PCDHA1: variants seen among roughly 807,000 people sequenced by gnomAD.
The protein encoded by PCDHA1 is protocadherin alpha-1.
In PCDHA1, 42 loss-of-function variants were observed where a neutral mutation model predicts 61.3. The ratio of observed to expected loss-of-function variants is 0.69; its 90% CI spans 0.54 to 0.89. PCDHA1 has a LOEUF of 0.89. Ranked by LOEUF, PCDHA1 falls within the 40% of genes least tolerant of loss-of-function variation. The probability of loss-of-function intolerance (pLI) is 0.00; values close to 1 mark genes in which losing one functional copy is unlikely to be tolerated. For synonymous variants in PCDHA1, 610 were observed against 553.8 expected, an observed-to-expected ratio of 1.10 and a Z score of -1.43; for missense variants, 1,256 against 1,235.3, an observed-to-expected ratio of 1.02 and a Z score of -0.25.
At chr5:140,829,868 A>C in intron 1 of PCDHA1, 1 of 1,613,886 alleles carries the variant, frequency 6.2e-7, no homozygotes, top group Non-Finnish European at 8.5e-7. Flanking sequence ...AGTGGTGGCG[A>C]AGGTGCGCGC....
chr5:140,807,232 G>GCTCTTAC, intron 1 of PCDHA1: 2 of 1,614,220 alleles, frequency 1.2e-6, no homozygotes, highest in Non-Finnish European at 8.5e-7. Context: ...GGCGTCTGCT[G>GCTCTTAC]CTCTTACTTC....
At chr5:140,808,437 G>C in intron 1 of PCDHA1, 1 of 1,614,178 alleles carries the variant, frequency 6.2e-7, no homozygotes, top group Non-Finnish European at 8.5e-7. Context: ...GACCGCGAGA[G>C]CGTGTCAGCC....
intron 1 of PCDHA1, chr5:140,823,691 C>T (rs2150128189): frequency 1.9e-6 from 3 of 1,613,862 alleles, no homozygotes; most frequent in Non-Finnish European, 2.5e-6. Flanking sequence ...CTGGATGAGA[C>T]CGAAGCACCG....
chr5:140,928,587 C>T, intron 1 of PCDHA1: 1 of 1,614,228 alleles, frequency 6.2e-7, no homozygotes. Flanking sequence ...ATGGTTCTGT[C>T]CCAGTGGAAA....
intron 1 of PCDHA1, among the ~76,000 whole-genome samples, chr5:140,918,920 G>A (rs1470075085): frequency 6.6e-6 from 1 of 152,204 alleles, no homozygotes; most frequent in Non-Finnish European, 1.5e-5. Context: ...TAACTACACA[G>A]CATATGGCAT....
intron 1 of PCDHA1, chr5:140,867,389 A>T (rs906088628): frequency 6.6e-5 from 10 of 152,166 alleles, no homozygotes; most frequent in Non-Finnish European, 1.2e-4. Context: ...TAACGGTTAT[A>T]AAAGTTGATA....
chr5:140,927,967 AT>A, intron 1 of PCDHA1: 1 of 1,614,172 alleles, frequency 6.2e-7, no homozygotes, highest in Non-Finnish European at 8.5e-7. Context: ...TGGCACAGTG[AT>A]TGCTCTCTTT....
At chr5:140,975,491 C>T (rs2153807371) in intron 1 of PCDHA1, among the ~76,000 whole-genome samples, 1 of 152,274 alleles carries the variant, frequency 6.6e-6, no homozygotes, top group Middle Eastern at 3.4e-3. Flanking sequence ...TATCAATGTT[C>T]ATAAAATAGC....
intron 1 of PCDHA1, chr5:140,853,156 G>A (rs2150528996): frequency 1.1e-6 from 1 of 904,258 alleles, no homozygotes; most frequent in South Asian, 5.0e-5. Context: ...TGGGATTACA[G>A]GCGTGAGCCA....
intron 1 of PCDHA1, chr5:140,967,797 C>T: frequency 6.2e-7 from 1 of 1,614,184 alleles, no homozygotes; most frequent in East Asian, 2.2e-5. Flanking sequence ...GGTCCAGTGC[C>T]CATGGCAGGT....
intron 1 of PCDHA1, among the ~76,000 whole-genome samples, chr5:140,891,754 T>C (rs1221942340): frequency 6.6e-6 from 1 of 152,174 alleles, no homozygotes; most frequent in Non-Finnish European, 1.5e-5. Flanking sequence ...ACAACAGTGT[T>C]GGGAGGTGGG....
intron 1 of PCDHA1, among the ~76,000 whole-genome samples, chr5:140,924,769 C>T (rs988519447): frequency 1.3e-5 from 2 of 151,766 alleles, no homozygotes; most frequent in Admixed American, 6.6e-5. Flanking sequence ...GTGGTGCGCG[C>T]TTGTAGTCCT....
chr5:140,836,679 A>G (rs2150267656), intron 1 of PCDHA1: 3 of 1,613,334 alleles, frequency 1.9e-6, no homozygotes, highest in East Asian at 4.5e-5. Context: ...GGGCCCACCC[A>G]AGACAGACCT....
In PCDHA1 at chr5:140,921,062, C is replaced by T. The variant is rs377176575; in HGVS notation, c.2395-57887C>T. 1.3e-4 allele frequency among the ~76,000 whole-genome samples: 20 copies of T among 151,872 alleles called. No homozygotes were observed. The South Asian group carries it at 4.2e-3, about 32-fold the overall frequency. The stretch of plus-strand genomic sequence containing the variant: ...TGGGGCAATCATAGCTCACTCTAAC[C>T]TTGAACTCTTGGGCTCAAGAGAATC... On this transcript the variant is annotated intron_variant, in intron 1 of 3. Coordinates refer to ENST00000504120, the MANE Select transcript of PCDHA1 (RefSeq NM_018900.4).
intron 3 of PCDHA1, among the ~76,000 whole-genome samples, chr5:140,998,895 A>G (rs545479952): frequency 1.3e-4 from 20 of 152,354 alleles, no homozygotes; most frequent in Non-Finnish European, 1.8e-4. Flanking sequence ...ATAAATAACA[A>G]TGCCTCCGGG....
At chr5:140,864,639 A>C (rs2048553058) in intron 1 of PCDHA1, 1 of 152,238 alleles carries the variant, frequency 6.6e-6, no homozygotes, top group South Asian at 2.1e-4. Flanking sequence ...ACAAAACAAA[A>C]CAATGTCAGC....
intron 1 of PCDHA1, chr5:140,841,598 G>A (rs2150318945): frequency 8.1e-6 from 13 of 1,614,142 alleles, no homozygotes; most frequent in Admixed American, 6.7e-5. Context: ...GATCGACCGC[G>A]AGGAGCTGTG....
chr5:140,982,507 G>T lies in PCDHA1; in HGVS notation c.2486G>T (p.Arg829Leu). Reference sequence around the variant, plus strand: ...CACCTAGAGGAGGCTGGCATTCTACGGGCTGGTCCAGGAGGGCCTGATCAG... The same window carrying T: ...CACCTAGAGGAGGCTGGCATTCTACTGGCTGGTCCAGGAGGGCCTGATCAG... The part of the protein sequence containing the change: ...SVHLEEAGIL[R>L]AGPGGPDQQW... The change falls in exon 3 of 4, where the codon CGG becomes CTG. Residue 829 changes from arginine to leucine, a missense_variant. Physicochemically the swap from Arg to Leu is moderately radical, Grantham distance 102. Coordinates refer to ENST00000504120, the MANE Select transcript of PCDHA1 (RefSeq NM_018900.4). 6.2e-7 allele frequency: 1 copy of T among 1,614,138 alleles called. No homozygotes were observed. Among genetic ancestry groups the T allele is most frequent in the Non-Finnish European group, 8.5e-7 (1 of 1,180,018 alleles).
intron 1 of PCDHA1, among the ~76,000 whole-genome samples, chr5:140,891,246 AT>A (rs1213637493): frequency 2.0e-5 from 3 of 151,650 alleles, no homozygotes; most frequent in Non-Finnish European, 4.4e-5. Flanking sequence ...ATTCAGTAGG[AT>A]TTTTTTTAAT....
Sources: allele counts gnomAD v4.1 joint callset (sites outside exome capture counted in the v4.1 genomes callset), GRCh38; gene constraint gnomAD v4.1.1; transcripts MANE v1.5; gene names NCBI Gene and HGNC (gene_info 2026-07-23, HGNC 2026-07-21).